MAP3K8: variants seen among roughly 807,000 people sequenced by gnomAD.
MAP3K8 encodes Ewing sarcoma transformant.
MAP3K8 carries 22 observed loss-of-function variants against 45.8 expected under a neutral mutation model. The observed-to-expected ratio is 0.48, with a 90% confidence interval of 0.34 to 0.69. The LOEUF is 0.69. Ranked by LOEUF, MAP3K8 falls within the 30% of genes least tolerant of loss-of-function variation. MAP3K8 has a pLI of 0.01. For synonymous variants in MAP3K8, 223 were observed against 214.3 expected (o/e 1.04, Z -0.36); for missense variants, 419 against 585.0 (o/e 0.72, Z 2.93).
At chr10:30,447,154 G>A (rs1476140117) in intron 3 of MAP3K8, among the ~76,000 whole-genome samples, 1 of 152,212 alleles carries the variant, frequency 6.6e-6, no homozygotes, top group Non-Finnish European at 1.5e-5. Context: ...GTTTGTGGCT[G>A]CCTCCGCAGC....
chr10:30,451,263 C>T (rs1253466003), intron 5 of MAP3K8, among the ~76,000 whole-genome samples: 4 of 151,998 alleles, frequency 2.6e-5, no homozygotes, highest in Non-Finnish European at 4.4e-5. Context: ...ATAGGTAAAC[C>T]TTTAATAGCC....
intron 8 of MAP3K8, among the ~76,000 whole-genome samples, chr10:30,460,251 T>C (rs1426569849): frequency 6.6e-6 from 1 of 152,228 alleles, no homozygotes. Context: ...CCATCTTCCT[T>C]GGCTTAAAAT....
chr10:30,452,142 T>G (rs1339884269), intron 6 of MAP3K8, among the ~76,000 whole-genome samples: 2 of 151,666 alleles, frequency 1.3e-5, no homozygotes, highest in African/African-American at 4.8e-5. Flanking sequence ...GAGACAAGCT[T>G]AGGCATCATA....
chr10:30,460,985 GC>G lies in MAP3K8; in HGVS notation c.*152del. The G allele has an allele frequency of 1.1e-6, 1 of 900,942 alleles. No individual in the cohort carries two copies. Among genetic ancestry groups the G allele is most frequent in the East Asian group, 2.7e-5 (1 of 36,558 alleles). 55.8% of individuals were successfully genotyped at this position (900,942 alleles called of 1,614,324 possible). ...TGACCCGTGAATGTGCCTCCAAGCG[GC>G]CCTGTGTGTTTGACATGTGAAGCTA... On this transcript the variant is annotated 3_prime_UTR_variant, in exon 9 of 9. Coordinates refer to ENST00000263056, the MANE Select transcript of MAP3K8 (RefSeq NM_005204.4).
At chr10:30,453,786 G>A (rs1222479483) in intron 6 of MAP3K8, among the ~76,000 whole-genome samples, 2 of 151,784 alleles carry the variant, frequency 1.3e-5, no homozygotes, top group Non-Finnish European at 2.9e-5. Flanking sequence ...CCAACCGTTC[G>A]AAAGGCCAAG....
intron 2 of MAP3K8, 106 bp downstream of exon 2, chr10:30,437,512 G>A (rs1350934867): frequency 6.4e-6 from 1 of 156,994 alleles, no homozygotes; most frequent in Non-Finnish European, 1.4e-5. Context: ...AGTGTGGGGG[G>A]AGGCAATGAG....
At chr10:30,445,339 G>A (rs951276438) in intron 3 of MAP3K8, among the ~76,000 whole-genome samples, 8 of 152,194 alleles carry the variant, frequency 5.3e-5, no homozygotes, top group African/African-American at 7.2e-5. Context: ...AGAGGTTGCA[G>A]TGAGCCAAGA....
At chr10:30,443,035 T>G (rs1202584483) in intron 3 of MAP3K8, among the ~76,000 whole-genome samples, 1 of 152,176 alleles carries the variant, frequency 6.6e-6, no homozygotes, top group East Asian at 1.9e-4. Context: ...TGTAAGAAAG[T>G]TCTCTTCCTT....
intron 3 of MAP3K8, among the ~76,000 whole-genome samples, chr10:30,443,576 T>C (rs1836191065): frequency 6.6e-6 from 1 of 152,174 alleles, no homozygotes; most frequent in African/African-American, 2.4e-5. Context: ...ATATTTTGAA[T>C]GTGAGGATCC....
chr10:30,457,870 A>T (rs1296379455), intron 6 of MAP3K8, among the ~76,000 whole-genome samples: 6 of 152,024 alleles, frequency 3.9e-5, no homozygotes, highest in Non-Finnish European at 8.8e-5. Flanking sequence ...CGCCCACCTC[A>T]GCTGGGATTA....
chr10:30,434,602 C>T (rs1445794773), intron 1 of MAP3K8: 8 of 985,948 alleles, frequency 8.1e-6, no homozygotes, highest in Non-Finnish European at 9.6e-6. Context: ...AGACTCGCGA[C>T]TCCTCCCCCT....
At chr10:30,449,706 C>G (rs1209844266) in intron 4 of MAP3K8, among the ~76,000 whole-genome samples, 1 of 152,042 alleles carries the variant, frequency 6.6e-6, no homozygotes, top group African/African-American at 2.4e-5. Flanking sequence ...AACGGGGTTT[C>G]GACATGTTGG....
At chr10:30,448,073 C>G (rs1356140052) in intron 4 of MAP3K8, 124 bp downstream of exon 4, 1 of 794,036 alleles carries the variant, frequency 1.3e-6, no homozygotes, top group African/African-American at 1.8e-5. Flanking sequence ...GGGTGCACTG[C>G]CTCAAAGCAT....
intron 3 of MAP3K8, among the ~76,000 whole-genome samples, chr10:30,444,221 AAAG>A (rs905925113): frequency 6.6e-6 from 1 of 151,880 alleles, no homozygotes; most frequent in African/African-American, 2.4e-5. Flanking sequence ...GGGCCCCTAG[AAAG>A]AAGAAAAATA....
At chr10:30,442,030 C>T (rs1176882238) in intron 3 of MAP3K8, among the ~76,000 whole-genome samples, 1 of 152,198 alleles carries the variant, frequency 6.6e-6, no homozygotes, top group Non-Finnish European at 1.5e-5. Context: ...GATGTATCTA[C>T]ATAGGGATGG....
rs745432732 is a variant in MAP3K8, at chr10:30,439,289, G to A, written c.336+15G>A. 19 of 1,613,952 alleles carry A rather than the reference G, an allele frequency of 1.2e-5. No individual in the cohort carries two copies. The highest frequency in any genetic ancestry group is 6.7e-5 in the East Asian group (3 of 44,884). On this transcript the variant is annotated intron_variant, in intron 3 of 8. Transcript: ENST00000263056. ...TATTAAACATGGTACGTTTCTTTCC[G>A]ATCAGTTGGGTGCTATGTGCTCAGC... is the stretch of plus-strand genomic sequence containing the variant.
chr10:30,458,292 T>G, intron 7 of MAP3K8, 56 bp downstream of exon 7: 1 of 1,264,782 alleles, frequency 7.9e-7, no homozygotes, highest in Non-Finnish European at 1.1e-6. Context: ...GAGTTATGCA[T>G]CCCGCAGGCT....
intron 6 of MAP3K8, 94 bp from the exon 7 acceptor site, chr10:30,457,990 A>T: frequency 1.8e-6 from 2 of 1,095,130 alleles, no homozygotes; most frequent in Non-Finnish European, 2.5e-6. Context: ...TCCTAGTTTA[A>T]GGCAAATGAG....
intron 3 of MAP3K8, among the ~76,000 whole-genome samples, chr10:30,439,784 G>A (rs561514890): frequency 6.6e-6 from 1 of 152,238 alleles, no homozygotes; most frequent in Non-Finnish European, 1.5e-5. Context: ...ACTCCAGCCT[G>A]TGTGACTGAG....
Sources: gnomAD v4.1 joint callset for allele counts (sites outside exome capture counted in the v4.1 genomes callset) on GRCh38, gnomAD v4.1.1 for gene constraint, MANE v1.5 for transcripts, NCBI Gene and HGNC (gene_info 2026-07-23, HGNC 2026-07-21) for gene names.